Variants in XRCC5 observed in about 807,000 individuals in gnomAD.
XRCC5 encodes the protein X-ray repair cross complementing 5, also known as DNA repair protein Ku80.
A neutral mutation model predicts 95.7 loss-of-function variants in XRCC5; 12 were observed. The observed-to-expected ratio is 0.13, with a 90% CI of 0.08 to 0.20. The LOEUF is 0.20. Ranked by LOEUF, XRCC5 falls within the 10% of genes least tolerant of loss-of-function variation. XRCC5 has a pLI of 1.00. For synonymous variants in XRCC5, 281 were observed against 290.3 expected (o/e 0.97, Z 0.33); for missense variants, 595 against 873.9 (o/e 0.68, Z 4.02).
intron 18 of XRCC5, among the ~76,000 whole-genome samples, chr2:216,193,228 A>G (rs1689651874): frequency 6.6e-6 from 1 of 152,218 alleles, no homozygotes; most frequent in Admixed American, 6.5e-5. Context: ...CTTGCACAGC[A>G]ACCAATGCAA....
At chr2:216,110,258 T>C (rs961421229) in intron 1 of XRCC5, among the ~76,000 whole-genome samples, 3 of 149,196 alleles carry the variant, frequency 2.0e-5, no homozygotes, top group Non-Finnish European at 4.4e-5. Flanking sequence ...TTTTTTTTTT[T>C]CAACATAAAA....
chr2:216,145,589 T>A (rs1284953867), intron 13 of XRCC5, among the ~76,000 whole-genome samples: 1 of 152,220 alleles, frequency 6.6e-6, no homozygotes, highest in Non-Finnish European at 1.5e-5. Flanking sequence ...ATTTTTTTAG[T>A]GCATTGGGAA....
At position 216,131,249 on chromosome 2, in the gene XRCC5, G is replaced by A. The variant is rs41296358; in HGVS notation, c.1050+262G>A. The stretch of plus-strand genomic sequence containing the variant: ...TGGGGAATGGAAGCGGAGATGAGGG[G>A]TATTTGAATTATGTGGGCCTAACCC... On this transcript the variant is annotated intron_variant, in intron 9 of 20. Coordinates refer to ENST00000392132, the MANE Select transcript of XRCC5 (RefSeq NM_021141.4). 1.4e-5 allele frequency: 14 copies of A among 985,338 alleles called. No individual in the cohort carries two copies. The East Asian group carries it at 1.6e-3, about 112-fold the overall frequency. 61.0% of individuals were successfully genotyped at this position (985,338 alleles called of 1,614,324 possible).
intron 16 of XRCC5, among the ~76,000 whole-genome samples, chr2:216,188,782 A>G (rs1367855661): frequency 1.3e-5 from 2 of 152,222 alleles, no homozygotes. Flanking sequence ...CCTTGTTTAA[A>G]AAGGTTCATC....
intron 15 of XRCC5, among the ~76,000 whole-genome samples, chr2:216,161,141 T>C (rs753431230): frequency 6.6e-6 from 1 of 151,898 alleles, no homozygotes; most frequent in Non-Finnish European, 1.5e-5. Context: ...CTCAGAAAAA[T>C]TGAATGTGTG....
rs1689641712 is a variant in XRCC5, at chr2:216,192,796, T to C, written c.2041+61T>C. On this transcript the variant is annotated intron_variant, in intron 18 of 20. Coordinates refer to ENST00000392132, the MANE Select transcript of XRCC5 (RefSeq NM_021141.4). ...TTTTAAAATACTTATGCTATTTTAT[T>C]CTAAATATACATATAAATTCTAAAT... The C allele has an allele frequency of 2.7e-6, 3 of 1,105,282 alleles. No homozygotes were observed. In the South Asian group the frequency reaches 5.4e-5, roughly 20 times the overall value. 68.5% of individuals were successfully genotyped at this position (1,105,282 alleles called of 1,614,324 possible).
chr2:216,132,270 T>C, intron 9 of XRCC5, 55 bp from the exon 10 acceptor site: 1 of 1,543,374 alleles, frequency 6.5e-7, no homozygotes, highest in East Asian at 2.2e-5. Context: ...ATGTGTGTCA[T>C]GGTTATACAT....
chr2:216,126,415 A>G (rs1696900960), intron 7 of XRCC5, among the ~76,000 whole-genome samples: 1 of 152,214 alleles, frequency 6.6e-6, no homozygotes, highest in Non-Finnish European at 1.5e-5. Flanking sequence ...GAGCTCAGTG[A>G]CACCTAATTC....
At chr2:216,164,524 G>C (rs1689017857) in intron 16 of XRCC5, among the ~76,000 whole-genome samples, 1 of 152,202 alleles carries the variant, frequency 6.6e-6, no homozygotes, top group South Asian at 2.1e-4. Flanking sequence ...CTTTACTTGG[G>C]AAAATAACTT....
chr2:216,193,897 A>G (rs965662056), intron 18 of XRCC5, among the ~76,000 whole-genome samples: 1 of 152,208 alleles, frequency 6.6e-6, no homozygotes, highest in African/African-American at 2.4e-5. Flanking sequence ...AGAGCAAACT[A>G]AAGAGTAGAT....
At chr2:216,130,835 GC>G in intron 8 of XRCC5, 39 bp from the exon 9 acceptor site, 1 of 1,371,358 alleles carries the variant, frequency 7.3e-7, no homozygotes, top group Non-Finnish European at 1.0e-6. Context: ...AGAAAATGAG[GC>G]CCCATATGCT....
At chr2:216,174,815 T>C in intron 16 of XRCC5, 1 of 200,328 alleles carries the variant, frequency 5.0e-6, no homozygotes, top group South Asian at 8.0e-5. Flanking sequence ...TTGGGATGAC[T>C]ATCTCAAATA....
At chr2:216,111,930 C>T (rs1696597413) in intron 1 of XRCC5, among the ~76,000 whole-genome samples, 1 of 152,172 alleles carries the variant, frequency 6.6e-6, no homozygotes, top group Non-Finnish European at 1.5e-5. Flanking sequence ...TCTTTTTTCA[C>T]CAGAAGACCC....
intron 16 of XRCC5, 27 bp from the exon 17 acceptor site, chr2:216,190,198 A>T (rs756259210): frequency 1.2e-6 from 2 of 1,600,992 alleles, no homozygotes; most frequent in Non-Finnish European, 1.7e-6. Flanking sequence ...ACTCAAATCT[A>T]AGAAAATTTG....
intron 16 of XRCC5, among the ~76,000 whole-genome samples, chr2:216,189,124 A>T (rs1689565334): frequency 6.6e-6 from 1 of 152,252 alleles, no homozygotes; most frequent in African/African-American, 2.4e-5. Flanking sequence ...AGTAATGTTC[A>T]GGTCACTGTG....
chr2:216,187,995 C>T (rs1574430399), intron 16 of XRCC5, among the ~76,000 whole-genome samples: 1 of 152,038 alleles, frequency 6.6e-6, no homozygotes, highest in East Asian at 1.9e-4. Context: ...ACGCTGTACC[C>T]CTACCTCAGG....
In XRCC5 at chr2:216,157,036, G is replaced by A. The variant is rs190518383; in HGVS notation, c.1671-3032G>A. Among the ~76,000 whole-genome samples, 4 of 152,268 alleles carry A rather than the reference G, an allele frequency of 2.6e-5. No homozygotes were observed. In the East Asian group the frequency reaches 5.8e-4, roughly 22 times the overall value. The stretch of plus-strand genomic sequence containing the variant: ...CCCCACAGTTCAGCAGGGATCAGCC[G>A]AGAGCAGTGTGCCCAGCAACAAAGC... On this transcript the variant is annotated intron_variant, in intron 14 of 20. Transcript: ENST00000392132.
chr2:216,113,596 C>T (rs912695614), intron 2 of XRCC5, among the ~76,000 whole-genome samples: 1 of 152,150 alleles, frequency 6.6e-6, no homozygotes, highest in African/African-American at 2.4e-5. Context: ...CTGGGTTGCT[C>T]AGTTGGGTGA....
chr2:216,177,705 G>A (rs753894096), intron 16 of XRCC5, among the ~76,000 whole-genome samples: 34 of 152,226 alleles, frequency 2.2e-4, no homozygotes, highest in Middle Eastern at 6.8e-3. Flanking sequence ...AAAATTTATA[G>A]GTTCATTATT....
Sources: allele counts gnomAD v4.1 joint callset (sites outside exome capture counted in the v4.1 genomes callset), GRCh38; gene constraint gnomAD v4.1.1; transcripts MANE v1.5; gene names NCBI Gene and HGNC (gene_info 2026-07-23, HGNC 2026-07-21).